ANO10: variants seen among roughly 807,000 people sequenced by gnomAD.
The protein encoded by ANO10 is anoctamin-10.
In ANO10, 77 loss-of-function variants were observed where a neutral mutation model predicts 74.7. The observed-to-expected ratio is 1.03, with a 90% CI of 0.86 to 1.25. The LOEUF (loss-of-function observed/expected upper bound fraction) is 1.25, where lower values mean the gene tolerates loss of function less well. ANO10 is among the 50% of genes most tolerant of loss of function. The probability of loss-of-function intolerance (pLI) is 0.00; values close to 1 mark genes in which losing one functional copy is unlikely to be tolerated. For synonymous variants in ANO10, 279 were observed against 284.9 expected (o/e 0.98, Z 0.21); for missense variants, 721 against 778.1 (o/e 0.93, Z 0.87).
chr3:43,411,521 G>C (rs2092665162), intron 12 of ANO10, among the ~76,000 whole-genome samples: 1 of 152,180 alleles, frequency 6.6e-6, no homozygotes, highest in Non-Finnish European at 1.5e-5. Flanking sequence ...ATTCTGAATA[G>C]ACACTATATT....
At chr3:43,690,786 G>C in intron 1 of ANO10, 1 of 456,412 alleles carries the variant, frequency 2.2e-6, no homozygotes, top group Non-Finnish European at 3.8e-6. Flanking sequence ...GGGAGAACTA[G>C]TGCATGCTGG....
At chr3:43,576,210 C>A (rs2080986360) in intron 6 of ANO10, among the ~76,000 whole-genome samples, 1 of 151,660 alleles carries the variant, frequency 6.6e-6, no homozygotes. Flanking sequence ...ATCATGAAGA[C>A]ATTTTTTTTT....
intron 1 of ANO10, chr3:43,691,243 C>G (rs954894858): frequency 2.3e-6 from 1 of 440,418 alleles, no homozygotes; most frequent in Admixed American, 4.5e-5. Context: ...CCCTCAGCGT[C>G]GGGGCCCCGA....
rs2093005156 is a variant in ANO10 at position 43,432,826 on chromosome 3, C to A, written c.1798-99G>T. The A allele has an allele frequency of 2.8e-5, 25 of 880,962 alleles. No individual in the cohort carries two copies. The South Asian group carries it at 3.3e-4, about 12-fold the overall frequency. The allele number at this position is 880,962 out of a possible 1,614,324, so 54.6% of individuals were successfully genotyped here. Reference sequence around the variant, plus strand: ...GCAATCTAGGATTATTTATATTAATCTTGGGTAATTTCTAAGTATTGGCCT... The same window carrying A: ...GCAATCTAGGATTATTTATATTAATATTGGGTAATTTCTAAGTATTGGCCT... On this transcript the variant is annotated intron_variant, in intron 11 of 12. Coordinates refer to ENST00000292246, the MANE Select transcript of ANO10 (RefSeq NM_018075.5).
chr3:43,544,796 TAA>T lies in ANO10; in HGVS notation c.1797+4922_1797+4923del, dbSNP rs556665373. ...TGACAGAGCAAGACTCTGTCTGAAA[TAA>T]AAAAAAAAAAAAAAAAAAAGAATCA... On this transcript the variant is annotated intron_variant, in intron 11 of 12. Transcript: ENST00000292246. 5.3e-3 allele frequency among the ~76,000 whole-genome samples: 588 copies of T among 110,918 alleles called. 1 individual carries two copies. Among genetic ancestry groups the T allele is most frequent in the African/African-American group, 0.014 (394 of 29,184 alleles). The allele number at this position is 110,918 out of a possible 152,430, so 72.8% of individuals were successfully genotyped here.
chr3:43,515,666 G>C (rs2077679573), intron 11 of ANO10, among the ~76,000 whole-genome samples: 1 of 152,160 alleles, frequency 6.6e-6, no homozygotes, highest in South Asian at 2.1e-4. Flanking sequence ...AATAGGAAAG[G>C]TGACATCACT....
In ANO10 at chr3:43,648,610, G is replaced by A. The variant is rs183534861; in HGVS notation, c.-11-42747C>T. 1.7e-3 allele frequency among the ~76,000 whole-genome samples: 256 copies of A among 151,734 alleles called. 1 individual carries two copies. The highest frequency in any genetic ancestry group is 2.7e-3 in the East Asian group (14 of 5,156). On this transcript the variant is annotated intron_variant, in intron 1 of 3. Transcript: ENST00000413397. ...GTCATGGTGCTGGTGGGAGTGTAGCGGTGAGGGTGATCGATCGGAGGTCAC... is the reference window on the plus strand; with the variant it reads ...GTCATGGTGCTGGTGGGAGTGTAGCAGTGAGGGTGATCGATCGGAGGTCAC...
rs953941839 is a variant in ANO10, at chr3:43,590,618, T to C, written c.472+7914A>G. Among the ~76,000 whole-genome samples, 70 of 152,198 alleles carry C rather than the reference T, an allele frequency of 4.6e-4. 1 individual carries two copies. The highest frequency in any genetic ancestry group is 4.3e-3 in the Admixed American group (65 of 15,282). On this transcript the variant is annotated intron_variant, in intron 4 of 12. Transcript: ENST00000292246. ...GATCTAAGAGACAAATGGCATGGTC[T>C]CTTCAGCAAGTTGATGCCATGAGGG... is the stretch of plus-strand genomic sequence containing the variant.
At chr3:43,621,348 A>T (rs2083382017) in intron 1 of ANO10, among the ~76,000 whole-genome samples, 1 of 152,154 alleles carries the variant, frequency 6.6e-6, no homozygotes. Flanking sequence ...CCCAGTCAAA[A>T]GCCTGGAAAC....
chr3:43,582,177 C>T (rs781728067), intron 4 of ANO10, among the ~76,000 whole-genome samples: 2 of 151,942 alleles, frequency 1.3e-5, no homozygotes, highest in East Asian at 1.9e-4. Flanking sequence ...TTTGGCTGGG[C>T]GCGGTGGCTC....
chr3:43,617,307 G>C (rs1188228699), intron 1 of ANO10, among the ~76,000 whole-genome samples: 1 of 151,934 alleles, frequency 6.6e-6, no homozygotes, highest in Non-Finnish European at 1.5e-5. Context: ...CTGGGCACCA[G>C]AGGGTAGAAT....
intron 1 of ANO10, chr3:43,637,608 A>G (rs1237958172): frequency 1.3e-5 from 2 of 151,492 alleles, no homozygotes; most frequent in Admixed American, 6.6e-5. Flanking sequence ...CCTACTAGAT[A>G]AAGAAGCAGT....
intron 1 of ANO10, among the ~76,000 whole-genome samples, chr3:43,616,877 A>G (rs2083135538): frequency 6.6e-6 from 1 of 151,950 alleles, no homozygotes; most frequent in South Asian, 2.1e-4. Flanking sequence ...AATTGCCTGT[A>G]TAGTAAAACC....
At chr3:43,552,947 C>T (rs1426089050) in intron 10 of ANO10, among the ~76,000 whole-genome samples, 3 of 151,872 alleles carry the variant, frequency 2.0e-5, no homozygotes, top group Non-Finnish European at 4.4e-5. Flanking sequence ...GCACCCACAA[C>T]CACACCCAGC....
chr3:43,565,825 G>C, intron 7 of ANO10, 98 bp from the exon 8 acceptor site: 1 of 1,359,072 alleles, frequency 7.4e-7, no homozygotes, highest in Non-Finnish European at 1.0e-6. Flanking sequence ...ATGGGAGCGG[G>C]GAGGAGCCAA....
At chr3:43,519,736 C>G (rs2077868549) in intron 11 of ANO10, among the ~76,000 whole-genome samples, 2 of 152,084 alleles carry the variant, frequency 1.3e-5, no homozygotes, top group African/African-American at 4.8e-5. Context: ...TGGTCTCGGG[C>G]CAGGATCATG....
At chr3:43,619,428 T>C (rs918527541) in intron 1 of ANO10, among the ~76,000 whole-genome samples, 16 of 152,198 alleles carry the variant, frequency 1.1e-4, no homozygotes, top group East Asian at 5.8e-4. Flanking sequence ...GTTTCAACAA[T>C]TGCACCATCG....
chr3:43,379,942 A>C (rs1357779918), intron 12 of ANO10, among the ~76,000 whole-genome samples: 1 of 152,196 alleles, frequency 6.6e-6, no homozygotes, highest in Non-Finnish European at 1.5e-5. Flanking sequence ...AAACAAAATG[A>C]TGCAGGATAT....
At chr3:43,422,075 G>A (rs532993513) in intron 12 of ANO10, among the ~76,000 whole-genome samples, 1 of 152,276 alleles carries the variant, frequency 6.6e-6, no homozygotes, top group African/African-American at 2.4e-5. Context: ...ATATGAGATT[G>A]GAACTCTAAC....
Sources: allele counts gnomAD v4.1 joint callset (sites outside exome capture counted in the v4.1 genomes callset), GRCh38; gene constraint gnomAD v4.1.1; transcripts MANE v1.5; gene names NCBI Gene and HGNC (gene_info 2026-07-23, HGNC 2026-07-21).